ZNF536: variants seen among roughly 807,000 people sequenced by gnomAD.
ZNF536 encodes the protein zinc finger protein 536.
In ZNF536, 13 loss-of-function variants were observed where a neutral mutation model predicts 84.5. The ratio of observed to expected loss-of-function variants is 0.15; its 90% confidence interval spans 0.10 to 0.24. The LOEUF (loss-of-function observed/expected upper bound fraction) is 0.24, where lower values mean the gene tolerates loss of function less well. Among genes scored for constraint, ZNF536 ranks in the 10% least tolerant of loss-of-function variants. The probability of loss-of-function intolerance (pLI) is 1.00; values close to 1 mark genes in which losing one functional copy is unlikely to be tolerated. For missense variants in ZNF536, 1,536 were observed against 1,747.5 expected, an observed-to-expected ratio of 0.88 and a Z score of 2.16; for synonymous variants, 811 against 742.5, an observed-to-expected ratio of 1.09 and a Z score of -1.50.
At chr19:30,634,677 A>G (rs1447368284) in intron 1 of ZNF536, among the ~76,000 whole-genome samples, 1 of 152,080 alleles carries the variant, frequency 6.6e-6, no homozygotes, top group Non-Finnish European at 1.5e-5. Context: ...AATGCCGGTG[A>G]ATGTTGCATC....
chr19:30,703,938 T>C (rs2052108482), intron 1 of ZNF536, among the ~76,000 whole-genome samples: 1 of 152,170 alleles, frequency 6.6e-6, no homozygotes, highest in African/African-American at 2.4e-5. Flanking sequence ...TTCAGGGTGC[T>C]AGTAGCTTAG....
Position 30,301,904 on chromosome 19 carries a change from T to C in ZNF536, c.-120+17763T>C, listed in dbSNP as rs1433880530. ...CAGAGAGGTCCCTGCCAGGTGCCGATGTGGGCTAGGTAGAATCTGCCCCAC... is the reference window on the plus strand; with the variant it reads ...CAGAGAGGTCCCTGCCAGGTGCCGACGTGGGCTAGGTAGAATCTGCCCCAC... On this transcript the variant is annotated intron_variant, in intron 2 of 5. Coordinates refer to the ZNF536 transcript ENST00000585628. Among the ~76,000 whole-genome samples the C allele has an allele frequency of 3.3e-5, 5 of 151,020 alleles. No individual in the cohort carries two copies. In the East Asian group the frequency reaches 5.8e-4, roughly 18 times the overall value.
chr19:30,373,629 C>T (rs2048694661), intron 1 of ZNF536, among the ~76,000 whole-genome samples: 1 of 152,220 alleles, frequency 6.6e-6, no homozygotes, highest in Admixed American at 6.5e-5. Flanking sequence ...AGAAAAATTG[C>T]TTGGAACGAA....
intron 2 of ZNF536, among the ~76,000 whole-genome samples, chr19:30,457,949 G>T (rs1324620251): frequency 6.6e-6 from 1 of 152,196 alleles, no homozygotes. Flanking sequence ...CTTTTTGGGT[G>T]GTGGGTGGGA....
At chr19:30,260,800 T>G (rs8102607) in intron 1 of ZNF536, among the ~76,000 whole-genome samples, 43,804 of 151,918 alleles carry the variant, frequency 0.29, 7,562 homozygotes, top group East Asian at 0.62. Flanking sequence ...AGCAAATGTG[T>G]GGGCATGGCC....
At chr19:30,644,551 G>A (rs867497135) in intron 1 of ZNF536, among the ~76,000 whole-genome samples, 5 of 152,086 alleles carry the variant, frequency 3.3e-5, no homozygotes, top group Middle Eastern at 3.4e-3. Flanking sequence ...GGTGTGTGAT[G>A]TTCCCCTTCC....
At chr19:30,281,085 G>C (rs980142511) in intron 1 of ZNF536, among the ~76,000 whole-genome samples, 1 of 152,094 alleles carries the variant, frequency 6.6e-6, no homozygotes, top group African/African-American at 2.4e-5. Flanking sequence ...TTCCTCGCTT[G>C]GTTGGTGCCC....
At chr19:30,522,664 C>T (rs1258791830) in intron 2 of ZNF536, among the ~76,000 whole-genome samples, 1 of 152,052 alleles carries the variant, frequency 6.6e-6, no homozygotes, top group Non-Finnish European at 1.5e-5. Flanking sequence ...TATAAGGAAG[C>T]CCTCTTTCCT....
intron 3 of ZNF536, among the ~76,000 whole-genome samples, chr19:30,536,357 C>A (rs761484978): frequency 3.9e-5 from 6 of 152,138 alleles, no homozygotes; most frequent in Non-Finnish European, 7.4e-5. Context: ...TTCGGAGAGG[C>A]TGCCCCTGAC....
intron 2 of ZNF536, among the ~76,000 whole-genome samples, chr19:30,476,939 A>G (rs1599509447): frequency 6.8e-6 from 1 of 147,812 alleles, no homozygotes; most frequent in Non-Finnish European, 1.5e-5. Context: ...GGGCCTTTGC[A>G]CTTCCTATAC....
chr19:30,427,216 C>G (rs572455027), intron 1 of ZNF536, among the ~76,000 whole-genome samples: 17 of 152,204 alleles, frequency 1.1e-4, no homozygotes, highest in Non-Finnish European at 2.4e-4. Context: ...ATCCTCTGTA[C>G]CATTGTCCCT....
intron 1 of ZNF536, among the ~76,000 whole-genome samples, chr19:30,582,962 C>T (rs1051675771): frequency 6.6e-6 from 1 of 152,212 alleles, no homozygotes; most frequent in Non-Finnish European, 1.5e-5. Context: ...TGTGGTCTCA[C>T]TATGTTACTC....
At chr19:30,435,447 G>C (rs1375958661) in intron 1 of ZNF536, among the ~76,000 whole-genome samples, 3 of 151,760 alleles carry the variant, frequency 2.0e-5, no homozygotes, top group Non-Finnish European at 4.4e-5. Flanking sequence ...TGTTGGTGAA[G>C]ATGATGGTGA....
At chr19:30,476,722 C>T (rs886288923) in intron 2 of ZNF536, among the ~76,000 whole-genome samples, 9 of 152,116 alleles carry the variant, frequency 5.9e-5, no homozygotes, top group Non-Finnish European at 1.3e-4. Flanking sequence ...TCAAACAGGT[C>T]CATTTTAGTG....
At chr19:30,489,218 A>G (rs2054411453) in intron 2 of ZNF536, among the ~76,000 whole-genome samples, 2 of 152,234 alleles carry the variant, frequency 1.3e-5, no homozygotes, top group South Asian at 4.1e-4. Context: ...GACAGAAACC[A>G]GCCATTTGTG....
At chr19:30,241,708 G>A (rs1046766444) in intron 1 of ZNF536, among the ~76,000 whole-genome samples, 1 of 152,236 alleles carries the variant, frequency 6.6e-6, no homozygotes, top group Non-Finnish European at 1.5e-5. Flanking sequence ...AGGCTCTGCA[G>A]ATCTTTGCTG....
At chr19:30,381,674 A>G (rs2049028236) in intron 1 of ZNF536, among the ~76,000 whole-genome samples, 1 of 152,192 alleles carries the variant, frequency 6.6e-6, no homozygotes, top group African/African-American at 2.4e-5. Flanking sequence ...GGCTGGGGCA[A>G]GGGGCTAATT....
chr19:30,420,410 A>G (rs1462944817), intron 1 of ZNF536, among the ~76,000 whole-genome samples: 2 of 152,000 alleles, frequency 1.3e-5, no homozygotes, highest in Non-Finnish European at 2.9e-5. Flanking sequence ...GGCATATTAA[A>G]CCTGAGTTAT....
At chr19:30,289,917 A>T (rs2045777814) in intron 2 of ZNF536, among the ~76,000 whole-genome samples, 1 of 152,234 alleles carries the variant, frequency 6.6e-6, no homozygotes, top group Non-Finnish European at 1.5e-5. Context: ...ACCATTTTAA[A>T]GTTTAGAGTT....
Sources: gnomAD v4.1 joint callset for allele counts (sites outside exome capture counted in the v4.1 genomes callset) on GRCh38, gnomAD v4.1.1 for gene constraint, MANE v1.5 for transcripts, NCBI Gene and HGNC (gene_info 2026-07-23, HGNC 2026-07-21) for gene names.